The following SAMD4A variants were observed in gnomAD, a reference collection of about 807,000 sequenced individuals.
SAMD4A encodes sterile alpha motif domain containing 4A, also known as protein Smaug homolog 1.
A neutral mutation model predicts 81.3 loss-of-function variants in SAMD4A; 33 were observed. The observed-to-expected ratio is 0.41, with a 90% CI of 0.31 to 0.54. The LOEUF (loss-of-function observed/expected upper bound fraction) is 0.54. Ranked by LOEUF, SAMD4A falls within the 20% of genes least tolerant of loss-of-function variation. SAMD4A has a pLI of 0.37. For synonymous variants in SAMD4A, 389 were observed against 382.1 expected, an observed-to-expected ratio of 1.02 and a Z score of -0.21; for missense variants, 854 against 951.1, an observed-to-expected ratio of 0.90 and a Z score of 1.34.
At chr14:54,647,241 C>T (rs182417945) in intron 2 of SAMD4A, among the ~76,000 whole-genome samples, 2 of 152,212 alleles carry the variant, frequency 1.3e-5, no homozygotes, top group East Asian at 3.9e-4. Flanking sequence ...TCATTATGAA[C>T]CAACCATTGC....
rs753686829 is a variant in SAMD4A, at chr14:54,568,023, C to G, written c.107C>G (p.Thr36Ser). 3 of 1,605,992 alleles carry G rather than the reference C, an allele frequency of 1.9e-6. No individual in the cohort carries two copies. The highest frequency in any genetic ancestry group is 2.7e-5 in the African/African-American group (2 of 74,746). The change falls in exon 2 of 13, where the codon ACC becomes AGC. Residue 36 changes from threonine (T) to serine (S), a missense_variant. Thr to Ser is a moderately conservative substitution (Grantham distance 58). Transcript: ENST00000554335. ...LLSLLKRVSQ[T>S]QARFLQLCLE... ...TCGCTGCTCAAGCGCGTGAGCCAGACCCAGGCCCGCTTCCTCCAGCTCTGC... is the reference window on the plus strand; with the variant it reads ...TCGCTGCTCAAGCGCGTGAGCCAGAGCCAGGCCCGCTTCCTCCAGCTCTGC...
At chr14:54,596,255 A>G (rs1245435974) in intron 2 of SAMD4A, among the ~76,000 whole-genome samples, 1 of 152,152 alleles carries the variant, frequency 6.6e-6, no homozygotes, top group Non-Finnish European at 1.5e-5. Flanking sequence ...AGAAATAACA[A>G]CAGAAGAACG....
intron 6 of SAMD4A, among the ~76,000 whole-genome samples, chr14:54,758,408 G>T (rs1419280876): frequency 6.6e-6 from 1 of 152,240 alleles, no homozygotes; most frequent in Non-Finnish European, 1.5e-5. Context: ...GTGCAGAAAT[G>T]ATCACATTTC....
Position 54,770,142 on chromosome 14 carries a change from G to GAAAC in SAMD4A, c.1637_1640dup (p.Gln548ThrfsTer105). Reference sequence around the variant, plus strand: ...CACAGAAAAAAAGATTGTTGTCATGGAAACAGCAGGTGCAGAAGCTCTTTC... The same window carrying GAAAC: ...CACAGAAAAAAAGATTGTTGTCATGGAAACAAACAGCAGGTGCAGAAGCTCTTTC... On this transcript the variant is annotated frameshift_variant, in exon 9 of 13. Coordinates refer to ENST00000554335, the MANE Select transcript of SAMD4A (RefSeq NM_015589.6). LOFTEE classifies it high-confidence loss of function. 6.2e-7 allele frequency: 1 copy of GAAAC among 1,614,130 alleles called. No homozygotes were observed. The highest frequency in any genetic ancestry group is 8.5e-7 in the Non-Finnish European group (1 of 1,179,960).
intron 2 of SAMD4A, among the ~76,000 whole-genome samples, chr14:54,686,724 G>T (rs2036280379): frequency 1.3e-5 from 2 of 152,180 alleles, no homozygotes; most frequent in African/African-American, 2.4e-5. Flanking sequence ...TTTGGGAATA[G>T]TGTTATTACA....
At chr14:54,697,599 A>G (rs970545880) in intron 2 of SAMD4A, among the ~76,000 whole-genome samples, 2 of 152,216 alleles carry the variant, frequency 1.3e-5, no homozygotes, top group Non-Finnish European at 2.9e-5. Flanking sequence ...GGTCCATGCC[A>G]GAATGGGAAT....
intron 2 of SAMD4A, among the ~76,000 whole-genome samples, chr14:54,687,681 C>T (rs2036311903): frequency 6.6e-6 from 1 of 152,154 alleles, no homozygotes; most frequent in Non-Finnish European, 1.5e-5. Flanking sequence ...GCACTGTTCA[C>T]GGTGGCACCA....
intron 2 of SAMD4A, among the ~76,000 whole-genome samples, chr14:54,638,247 G>T (rs537520837): frequency 4.6e-5 from 7 of 152,206 alleles, no homozygotes; most frequent in Non-Finnish European, 1.0e-4. Context: ...GGACTGCACG[G>T]GGGAGCCGCA....
At chr14:54,727,597 A>G (rs2140892584) in intron 3 of SAMD4A, among the ~76,000 whole-genome samples, 1 of 152,306 alleles carries the variant, frequency 6.6e-6, no homozygotes, top group African/African-American at 2.4e-5. Context: ...AGAGAGCTGA[A>G]ACAAGAAAGC....
chr14:54,607,457 A>ATTT (rs541264095), intron 2 of SAMD4A, among the ~76,000 whole-genome samples: 2 of 138,452 alleles, frequency 1.4e-5, no homozygotes, highest in African/African-American at 2.6e-5. Flanking sequence ...TCAAGGTCTC[A>ATTT]TTTTTTTTTT....
At chr14:54,746,199 G>A (rs528563781) in intron 4 of SAMD4A, among the ~76,000 whole-genome samples, 1 of 152,340 alleles carries the variant, frequency 6.6e-6, no homozygotes, top group South Asian at 2.1e-4. Flanking sequence ...AAGGTTAGTA[G>A]GCTATGTTCT....
At chr14:54,678,496 TG>T (rs2036045488) in intron 2 of SAMD4A, among the ~76,000 whole-genome samples, 2 of 63,946 alleles carry the variant, frequency 3.1e-5, no homozygotes, top group South Asian at 1.0e-3. Context: ...TGTGTGTGTG[TG>T]TGTGTGTGTG....
chr14:54,603,023 G>C (rs1021830076), intron 2 of SAMD4A, among the ~76,000 whole-genome samples: 5 of 152,210 alleles, frequency 3.3e-5, no homozygotes, highest in African/African-American at 9.6e-5. Context: ...ATTAGAGTTT[G>C]AGGAACACTG....
chr14:54,683,875 CAA>C (rs2036188799), intron 2 of SAMD4A, among the ~76,000 whole-genome samples: 1 of 152,116 alleles, frequency 6.6e-6, no homozygotes. Context: ...TCCCAGAAGC[CAA>C]AAGACTCACA....
chr14:54,751,797 C>T (rs2038108632), intron 6 of SAMD4A, among the ~76,000 whole-genome samples: 1 of 152,196 alleles, frequency 6.6e-6, no homozygotes, highest in Non-Finnish European at 1.5e-5. Context: ...GAAGTGCTGT[C>T]AAATGCACCC....
rs2039244865 is a variant in SAMD4A, at chr14:54,790,695, TG to T, written c.*1752del. ...GGTTGTGTGTGTGTGTGTGTGTGTG[TG>T]TGTGTGTGTGTGAAGTCAGAGTTGA... On this transcript the variant is annotated 3_prime_UTR_variant, in exon 13 of 13. Transcript: ENST00000554335. 6.6e-6 allele frequency: 1 copy of T among 151,848 alleles called. No homozygotes were observed. The highest frequency in any genetic ancestry group is 6.6e-5 in the Admixed American group (1 of 15,236). The allele number at this position is 151,848 out of a possible 1,614,324, so 9.4% of individuals were successfully genotyped here.
Position 54,594,003 on chromosome 14 carries a change from G to A in SAMD4A, c.196+25891G>A, listed in dbSNP as rs933033969. Among the ~76,000 whole-genome samples, 2 of 152,080 alleles carry A rather than the reference G, an allele frequency of 1.3e-5. 1 individual carries two copies. Among genetic ancestry groups the A allele is most frequent in the Admixed American group, 1.3e-4 (2 of 15,270 alleles). Reference sequence around the variant, plus strand: ...AATTTTCAGACCAGATCATATACAGGAAGATGACTCATGTGCCTACCTACC... The same window carrying A: ...AATTTTCAGACCAGATCATATACAGAAAGATGACTCATGTGCCTACCTACC... On this transcript the variant is annotated intron_variant, in intron 2 of 12. Transcript: ENST00000554335.
intron 2 of SAMD4A, among the ~76,000 whole-genome samples, chr14:54,678,881 C>T (rs924051934): frequency 2.0e-5 from 3 of 152,180 alleles, no homozygotes; most frequent in Admixed American, 6.5e-5. Flanking sequence ...AATTGAAACC[C>T]TGCATAATCC....
chr14:54,596,008 T>A (rs2033901083), intron 2 of SAMD4A, among the ~76,000 whole-genome samples: 1 of 152,190 alleles, frequency 6.6e-6, no homozygotes, highest in South Asian at 2.1e-4. Flanking sequence ...GCCTCACTAG[T>A]GGATCTCTTC....
Sources: gnomAD v4.1 joint callset for allele counts (sites outside exome capture counted in the v4.1 genomes callset) on GRCh38, gnomAD v4.1.1 for gene constraint, MANE v1.5 for transcripts, NCBI Gene and HGNC (gene_info 2026-07-23, HGNC 2026-07-21) for gene names.